Variants in GPATCH8 observed in about 807,000 individuals in gnomAD.
GPATCH8 encodes G-patch domain containing 8.
Under a neutral mutation model 118.3 loss-of-function variants are expected in GPATCH8, and 18 were observed. The ratio of observed to expected loss-of-function variants is 0.15; its 90% CI spans 0.11 to 0.23. The LOEUF (loss-of-function observed/expected upper bound fraction) is 0.23, where lower values mean the gene tolerates loss of function less well. GPATCH8 is among the 10% of genes least tolerant of loss of function. GPATCH8 has a pLI of 1.00. For missense variants in GPATCH8, 1,631 were observed against 1,873.8 expected (o/e 0.87, Z 2.39); for synonymous variants, 659 against 684.7 (o/e 0.96, Z 0.59).
At chr17:44,502,360 T>C (rs374553552) in intron 1 of GPATCH8, among the ~76,000 whole-genome samples, 4 of 30,274 alleles carry the variant, frequency 1.3e-4, no homozygotes, top group African/African-American at 7.4e-4. Flanking sequence ...TAATGCAGTG[T>C]TTTTTTTTTT....
chr17:44,493,008 A>C (rs1344274466), intron 1 of GPATCH8, among the ~76,000 whole-genome samples: 1 of 151,656 alleles, frequency 6.6e-6, no homozygotes. Flanking sequence ...TGACCAATTA[A>C]ACCACTGGTT....
At chr17:44,496,116 G>GGGA (rs1242442658) in intron 1 of GPATCH8, among the ~76,000 whole-genome samples, 67 of 152,232 alleles carry the variant, frequency 4.4e-4, no homozygotes, top group African/African-American at 1.5e-3. Context: ...TGATCCACCT[G>GGGA]CCCTCAGCCT....
At position 44,467,155 on chromosome 17, in the gene GPATCH8, T is replaced by C. The variant is rs546044053; in HGVS notation, c.121-2611A>G. ...TTAAATGTAACACAAAGTAAGAAAC[T>C]GTCCAATCACTAATGGTCGTTTTTT... On this transcript the variant is annotated intron_variant, in intron 2 of 7. Coordinates refer to ENST00000591680, the MANE Select transcript of GPATCH8 (RefSeq NM_001002909.4). 83 of 1,048,220 alleles carry C rather than the reference T, an allele frequency of 7.9e-5. No individual in the cohort carries two copies. The African/African-American group carries it at 1.1e-3, about 14-fold the overall frequency. 64.9% of individuals were successfully genotyped at this position (1,048,220 alleles called of 1,614,324 possible). A position where few individuals can be genotyped will look rare whatever the true frequency, so the allele number is the denominator to read the frequency against.
intron 5 of GPATCH8, among the ~76,000 whole-genome samples, chr17:44,427,414 T>C (rs1404265979): frequency 1.3e-5 from 2 of 151,996 alleles, no homozygotes; most frequent in African/African-American, 4.8e-5. Flanking sequence ...TCAGAAATAA[T>C]AGAAGAAAAC....
chr17:44,468,881 T>C (rs1967042574), intron 2 of GPATCH8, among the ~76,000 whole-genome samples: 1 of 152,182 alleles, frequency 6.6e-6, no homozygotes, highest in South Asian at 2.1e-4. Flanking sequence ...AGCTTATTTA[T>C]TATGTAGAAA....
chr17:44,408,810 G>A (rs2049325522), intron 6 of GPATCH8, among the ~76,000 whole-genome samples: 1 of 152,162 alleles, frequency 6.6e-6, no homozygotes, highest in South Asian at 2.1e-4. Context: ...ATGGGATGAA[G>A]CAATAAAACG....
At position 44,480,674 on chromosome 17, in the gene GPATCH8, C is replaced by T. The variant is rs1351832740; in HGVS notation, c.46-5771G>A. Among the ~76,000 whole-genome samples, 24 of 150,594 alleles carry T rather than the reference C, an allele frequency of 1.6e-4. No homozygotes were observed. In the South Asian group the frequency reaches 4.2e-3, roughly 26 times the overall value. On this transcript the variant is annotated intron_variant, in intron 1 of 7. Coordinates refer to ENST00000591680, the MANE Select transcript of GPATCH8 (RefSeq NM_001002909.4). Reference sequence around the variant, plus strand: ...GGAGGAGGTTGCAGTGAGCTGAGATCGCGCCATTGCACTCCAGCCTGGGCA... The same window carrying T: ...GGAGGAGGTTGCAGTGAGCTGAGATTGCGCCATTGCACTCCAGCCTGGGCA...
At chr17:44,412,251 C>G (rs1361144126) in intron 6 of GPATCH8, among the ~76,000 whole-genome samples, 1 of 152,070 alleles carries the variant, frequency 6.6e-6, no homozygotes, top group African/African-American at 2.4e-5. Context: ...TAGTTGGGCG[C>G]AGTGGTTATG....
At chr17:44,451,543 T>C (rs2051111958) in intron 3 of GPATCH8, among the ~76,000 whole-genome samples, 1 of 152,134 alleles carries the variant, frequency 6.6e-6, no homozygotes, top group African/African-American at 2.4e-5. Context: ...TCAACAAAAA[T>C]TATACAAGAT....
intron 1 of GPATCH8, among the ~76,000 whole-genome samples, chr17:44,502,528 T>C (rs1027080927): frequency 6.6e-5 from 10 of 152,216 alleles, no homozygotes; most frequent in African/African-American, 2.4e-5. Flanking sequence ...TTTTACTCAA[T>C]AGAGCTTGCC....
chr17:44,445,574 C>T (rs1291473648), intron 3 of GPATCH8, among the ~76,000 whole-genome samples: 3 of 151,782 alleles, frequency 2.0e-5, no homozygotes, highest in Non-Finnish European at 2.9e-5. Context: ...AGCGCGATCT[C>T]GGCTCACTGC....
intron 6 of GPATCH8, 69 bp from the exon 7 acceptor site, chr17:44,406,120 C>G: frequency 8.8e-7 from 1 of 1,129,956 alleles, no homozygotes; most frequent in Admixed American, 1.7e-5. Flanking sequence ...GAAAGCAAAG[C>G]CTTTAGGACA....
At chr17:44,449,633 C>T (rs2144164277) in intron 3 of GPATCH8, among the ~76,000 whole-genome samples, 2 of 152,158 alleles carry the variant, frequency 1.3e-5, no homozygotes, top group South Asian at 2.1e-4. Context: ...TCTCCTGCCT[C>T]AGCCTCCCGA....
intron 1 of GPATCH8, among the ~76,000 whole-genome samples, chr17:44,485,873 A>G (rs535233976): frequency 2.0e-5 from 3 of 152,176 alleles, no homozygotes; most frequent in Non-Finnish European, 4.4e-5. Flanking sequence ...ATATAAGAAC[A>G]TTTTCTAGTA....
At chr17:44,414,101 G>GTGTGTATATATATATGTATATATA (rs1567955330) in intron 6 of GPATCH8, among the ~76,000 whole-genome samples, 4 of 122,774 alleles carry the variant, frequency 3.3e-5, no homozygotes, top group African/African-American at 5.9e-5. Context: ...ATATATATAT[G>GTGTGTATATATATATGTATATATA]TGTGTATATA....
intron 6 of GPATCH8, among the ~76,000 whole-genome samples, 191 bp downstream of exon 6, chr17:44,424,158 T>G (rs149445482): frequency 6.6e-6 from 1 of 151,950 alleles, no homozygotes; most frequent in Non-Finnish European, 1.5e-5. Flanking sequence ...TATGTGGGAG[T>G]GTGGGCTGGA....
chr17:44,499,899 T>TA (rs398039126), intron 1 of GPATCH8, among the ~76,000 whole-genome samples: 3,842 of 132,598 alleles, frequency 0.029, 147 homozygotes, highest in African/African-American at 0.086. Flanking sequence ...TTCCAAAGAT[T>TA]AAAAAAAAAA....
intron 1 of GPATCH8, among the ~76,000 whole-genome samples, chr17:44,485,449 T>C (rs918292752): frequency 1.6e-4 from 24 of 152,080 alleles, no homozygotes; most frequent in Non-Finnish European, 2.9e-4. Flanking sequence ...ATTTTTGAGA[T>C]AGGGTCTCGC....
At chr17:44,433,425 T>A (rs546469203) in intron 5 of GPATCH8, among the ~76,000 whole-genome samples, 1 of 152,298 alleles carries the variant, frequency 6.6e-6, no homozygotes, top group Admixed American at 6.5e-5. Flanking sequence ...CTCTCTCTCC[T>A]CAATGCCCTT....
Sources: allele counts gnomAD v4.1 joint callset (sites outside exome capture counted in the v4.1 genomes callset), GRCh38; gene constraint gnomAD v4.1.1; transcripts MANE v1.5; gene names NCBI Gene and HGNC (gene_info 2026-07-23, HGNC 2026-07-21).